Variants in CHRNA2 observed in about 807,000 individuals in gnomAD.
CHRNA2 encodes the protein cholinergic receptor nicotinic alpha 2 subunit, also known as neuronal acetylcholine receptor subunit alpha-2.
A neutral mutation model predicts 45.5 loss-of-function variants in CHRNA2; 40 were observed. That is an observed-to-expected ratio of 0.88 (90% CI 0.68 to 1.15). The LOEUF (loss-of-function observed/expected upper bound fraction) is 1.15. Ranked by LOEUF, CHRNA2 falls within the 50% of genes most tolerant of loss-of-function variation. The pLI, the probability that CHRNA2 is intolerant of heterozygous loss-of-function variation, is 0.00. For synonymous variants in CHRNA2, 301 were observed against 296.7 expected (o/e 1.01, Z -0.15); for missense variants, 655 against 701.7 (o/e 0.93, Z 0.75).
At chr8:27,466,826 C>G (rs1446425606) in intron 5 of CHRNA2, among the ~76,000 whole-genome samples, 2 of 152,200 alleles carry the variant, frequency 1.3e-5, no homozygotes, top group East Asian at 3.8e-4. Flanking sequence ...AAAAAGGAAA[C>G]TGCATACCAA....
At chr8:27,478,694 G>A (rs1171789204) in intron 1 of CHRNA2, 130 bp downstream of exon 1, 1 of 152,118 alleles carries the variant, frequency 6.6e-6, no homozygotes, top group Non-Finnish European at 1.5e-5. Context: ...TCTAGGAGCA[G>A]GTGACATCCA....
intron 1 of CHRNA2, among the ~76,000 whole-genome samples, chr8:27,471,990 C>T (rs2132672370): frequency 6.6e-6 from 1 of 152,268 alleles, no homozygotes; most frequent in East Asian, 1.9e-4. Flanking sequence ...TCGCCAATGG[C>T]CACTGGATTA....
chr8:27,463,518 C>A lies in CHRNA2; in HGVS notation c.925G>T (p.Val309Phe). The change falls in exon 6 of 7, where the codon GTC becomes TTC. Residue 309 changes from valine (V) to phenylalanine (F), a missense_variant. Physicochemically the swap from Val to Phe is conservative, Grantham distance 50. Around this residue, in one of 3 missense-constraint regions of CHRNA2, gnomAD observed 37 missense variants for 66.8 expected, o/e 0.55. Coordinates refer to ENST00000407991, the MANE Select transcript of CHRNA2 (RefSeq NM_000742.4). The surrounding 1 kb of genome is among the most constrained non-coding windows in gnomAD (Gnocchi z 6.1). ...LCISVLLSLT[V>F]FLLLITEIIP... ...ATCTCAGTGATGAGCAGCAGGAAGA[C>A]GGTGAGTGACAGCAGCACCGAAATG... 6.2e-7 allele frequency: 1 copy of A among 1,614,162 alleles called. No homozygotes were observed. The highest frequency in any genetic ancestry group is 1.1e-5 in the South Asian group (1 of 91,068).
Position 27,465,746 on chromosome 8 carries a change from A to C in CHRNA2, c.449+1483T>G, listed in dbSNP as rs189728109. The stretch of plus-strand genomic sequence containing the variant: ...GCCCAGGCAAAAACAAAAAATTTTT[A>C]AGCATTTTGTTTATCACAAACAATG... On this transcript the variant is annotated intron_variant, in intron 5 of 6. Transcript: ENST00000407991. 3.6e-3 allele frequency among the ~76,000 whole-genome samples: 545 copies of C among 152,298 alleles called. 4 individuals carry two copies. Among genetic ancestry groups the C allele is most frequent in the African/African-American group, 0.012 (496 of 41,568 alleles).
At position 27,463,449 on chromosome 8, in the gene CHRNA2, G is replaced by A. The variant is rs148608618; in HGVS notation, c.994C>T (p.Leu332=). The A allele has an allele frequency of 1.2e-6, 2 of 1,614,204 alleles. No homozygotes were observed. The highest frequency in any genetic ancestry group is 1.7e-6 in the Non-Finnish European group (2 of 1,180,038). Residue 332 remains leucine (L), a synonymous_variant, in exon 6 of 7, where the codon CTG becomes TTG. Coordinates refer to ENST00000407991, the MANE Select transcript of CHRNA2 (RefSeq NM_000742.4). The surrounding 1 kb of genome is among the most constrained non-coding windows in gnomAD (Gnocchi z 6.1). The part of the protein sequence containing the change: ...SLVIPLIGEY[L]LFTMIFVTLS... ...GTGACGAAGATCATGGTGAACAGCA[G>A]GTACTCGCCGATGAGCGGGATGACC...
rs149464248 is a variant in CHRNA2 at position 27,463,343 on chromosome 8, C to T, written c.1100G>A (p.Arg367Gln). The change falls in exon 6 of 7, where the codon CGG (arginine) becomes CAG (glutamine). Residue 367 changes from arginine (R) to glutamine (Q), a missense_variant. Physicochemically the swap from Arg to Gln is conservative, Grantham distance 43 (BLOSUM62 1). Transcript: ENST00000407991. This position sits in a 1 kb window ranked among gnomAD's most constrained non-coding sequence, Gnocchi z 6.1. ...PSTHTMPHWV[R>Q]GALLGCVPRW... ...GGGCACACAGCCCAGAAGGGCCCCC[C>T]GCACCCAGTGGGGCATGGTGTGGGT... The T allele has an allele frequency of 4.2e-4, 684 of 1,613,832 alleles. 4 individuals are homozygous for T. Among genetic ancestry groups the T allele is most frequent in the East Asian group, 6.7e-5 (3 of 44,862 alleles).
In CHRNA2 at chr8:27,463,299, G is replaced by T. The variant is rs188098799; in HGVS notation, c.1144C>A (p.Arg382=). The T allele has an allele frequency of 1.9e-6, 3 of 1,610,110 alleles. No individual in the cohort carries two copies. The highest frequency in any genetic ancestry group is 2.5e-6 in the Non-Finnish European group (3 of 1,177,104). ...CAGAGCTCCACGGGTGGTGGGGGCC[G>T]GTTCATCAGAAGCCACCGGGGCACA... ...GCVPRWLLMN[R]PPPPVELCHP... is the part of the protein sequence containing the mutation. Residue 382 remains arginine, a synonymous_variant, in exon 6 of 7, where the codon CGG becomes AGG. Coordinates refer to ENST00000407991, the MANE Select transcript of CHRNA2 (RefSeq NM_000742.4). The surrounding 1 kb of genome is among the most constrained non-coding windows in gnomAD (Gnocchi z 6.1).
intron 1 of CHRNA2, chr8:27,477,080 C>A (rs1813084028): frequency 6.6e-6 from 1 of 151,860 alleles, no homozygotes; most frequent in African/African-American, 2.4e-5. Flanking sequence ...AAGCTAAGAT[C>A]TTTAGCTTCG....
chr8:27,470,318 A>C (rs959631288), intron 2 of CHRNA2, among the ~76,000 whole-genome samples: 2 of 152,158 alleles, frequency 1.3e-5, no homozygotes, highest in Non-Finnish European at 2.9e-5. Flanking sequence ...CGCCTGGTCT[A>C]CGTGGCGGGG....
chr8:27,467,991 G>A (rs980411273), intron 4 of CHRNA2, among the ~76,000 whole-genome samples: 1 of 152,172 alleles, frequency 6.6e-6, no homozygotes, highest in Non-Finnish European at 1.5e-5. Flanking sequence ...TATCTCCGTA[G>A]TCCATCTGTC....
chr8:27,473,327 C>T (rs942957372), intron 1 of CHRNA2, among the ~76,000 whole-genome samples: 1 of 152,066 alleles, frequency 6.6e-6, no homozygotes, highest in South Asian at 2.1e-4. Flanking sequence ...GTACTAAATG[C>T]CAATAACGAT....
Position 27,463,123 on chromosome 8 carries a change from G to A in CHRNA2, c.1320C>T (p.Gly440=). 1 of 1,607,710 alleles carries A rather than the reference G, an allele frequency of 6.2e-7. No homozygotes were observed. The highest frequency in any genetic ancestry group is 8.5e-7 in the Non-Finnish European group (1 of 1,174,754). The part of the protein sequence containing the change: ...APSVGTLCSH[G]HLHSGASGPK... The stretch of plus-strand genomic sequence containing the variant: ...GACCTGAGGCCCCAGAGTGCAGGTG[G>A]CCGTGGCTGCAGAGGGTGCCCACAG... Residue 440 remains glycine, a synonymous_variant, in exon 6 of 7, where the codon GGC becomes GGT. Coordinates refer to ENST00000407991, the MANE Select transcript of CHRNA2 (RefSeq NM_000742.4). The surrounding 1 kb of genome is among the most constrained non-coding windows in gnomAD (Gnocchi z 6.1).
intron 1 of CHRNA2, among the ~76,000 whole-genome samples, chr8:27,478,090 A>C (rs1813115704): frequency 6.6e-6 from 1 of 152,090 alleles, no homozygotes; most frequent in African/African-American, 2.4e-5. Context: ...CTTCTCCCAA[A>C]AGGCTGCTTC....
chr8:27,476,104 T>C (rs73679204), intron 1 of CHRNA2, among the ~76,000 whole-genome samples: 1,799 of 152,350 alleles, frequency 0.012, 29 homozygotes, highest in African/African-American at 0.041. Context: ...TGTTTATCTT[T>C]CCACTACCTC....
intron 1 of CHRNA2, among the ~76,000 whole-genome samples, chr8:27,473,622 G>A (rs922921928): frequency 2.6e-5 from 4 of 151,510 alleles, no homozygotes; most frequent in Admixed American, 6.6e-5. Flanking sequence ...AGGGAGGGTC[G>A]TGTGAGCCTG....
intron 2 of CHRNA2, 97 bp downstream of exon 2, chr8:27,470,889 G>T: frequency 7.7e-7 from 1 of 1,297,628 alleles, no homozygotes; most frequent in Non-Finnish European, 1.1e-6. Context: ...CTGCAGCTTT[G>T]ACGGTTGCAA....
chr8:27,473,532 C>CCCCT lies in CHRNA2; in HGVS notation c.-136-2339_-136-2338insAGGG, dbSNP rs58855963. ...CTGGGCAACATAGTGAGACCCCCCC[C>CCCCT]GCCGTCTCTACAAAAAATTCAAAAA... On this transcript the variant is annotated intron_variant, in intron 1 of 6. Transcript: ENST00000407991. Among the ~76,000 whole-genome samples the CCCCT allele has an allele frequency of 2.9e-5, 4 of 137,552 alleles. 1 individual carries two copies. The highest frequency in any genetic ancestry group is 1.1e-4 in the African/African-American group (4 of 37,036). 90.2% of individuals were successfully genotyped at this position (137,552 alleles called of 152,430 possible). A position where few individuals can be genotyped will look rare whatever the true frequency, so the allele number is the denominator to read the frequency against.
intron 2 of CHRNA2, 36 bp downstream of exon 2, chr8:27,470,950 G>A (rs1315043752): frequency 3.7e-6 from 6 of 1,603,266 alleles, no homozygotes; most frequent in African/African-American, 1.3e-5. Flanking sequence ...ACAGGCATGA[G>A]ATGAAGTCTT....
At chr8:27,475,839 A>C (rs1813043658) in intron 1 of CHRNA2, among the ~76,000 whole-genome samples, 1 of 152,222 alleles carries the variant, frequency 6.6e-6, no homozygotes, top group South Asian at 2.1e-4. Flanking sequence ...CTTTCAGAGA[A>C]AAGTGGAACT....
Sources: allele counts gnomAD v4.1 joint callset (sites outside exome capture counted in the v4.1 genomes callset), GRCh38; gene constraint gnomAD v4.1.1; regional missense constraint gnomAD v4.1.1; non-coding constraint Gnocchi (gnomAD v3.1); transcripts MANE v1.5; gene names NCBI Gene and HGNC (gene_info 2026-07-23, HGNC 2026-07-21).